The following AGBL1 variants were observed in gnomAD, a reference collection of about 807,000 sequenced individuals.
AGBL1 encodes the protein cytosolic carboxypeptidase 4.
A neutral mutation model predicts 118.9 loss-of-function variants in AGBL1; 130 were observed. The ratio of observed to expected loss-of-function variants is 1.09; its 90% CI spans 0.95 to 1.26. AGBL1 has a LOEUF of 1.26. Ranked by LOEUF, AGBL1 falls within the 50% of genes most tolerant of loss-of-function variation. AGBL1 has a pLI of 0.00. For synonymous variants in AGBL1, 555 were observed against 478.9 expected, an observed-to-expected ratio of 1.16 and a Z score of -2.08; for missense variants, 1,584 against 1,298.1, an observed-to-expected ratio of 1.22 and a Z score of -3.38.
At chr15:86,972,011 C>T (rs2081113641) in intron 23 of AGBL1, among the ~76,000 whole-genome samples, 4 of 151,962 alleles carry the variant, frequency 2.6e-5, no homozygotes, top group Admixed American at 2.6e-4. Context: ...TTCTAAGTTC[C>T]CTGAGGCTTC....
chr15:86,976,132 C>T (rs2081174412), intron 23 of AGBL1, among the ~76,000 whole-genome samples: 2 of 150,856 alleles, frequency 1.3e-5, no homozygotes, highest in South Asian at 4.2e-4. Context: ...ATCACATAGG[C>T]TAAATCATTT....
intron 22 of AGBL1, among the ~76,000 whole-genome samples, chr15:86,764,340 A>G (rs1280133045): frequency 6.6e-6 from 1 of 152,038 alleles, no homozygotes; most frequent in Middle Eastern, 3.2e-3. Context: ...TTTAAAAACA[A>G]TGACAGTATA....
At chr15:86,546,488 C>T (rs1318105283) in intron 20 of AGBL1, among the ~76,000 whole-genome samples, 1 of 152,088 alleles carries the variant, frequency 6.6e-6, no homozygotes, top group Non-Finnish European at 1.5e-5. Flanking sequence ...CCTCTCTGAA[C>T]CACCCTTCTG....
intron 17 of AGBL1, among the ~76,000 whole-genome samples, chr15:86,341,358 C>G (rs1055617456): frequency 8.2e-5 from 12 of 147,006 alleles, no homozygotes; most frequent in African/African-American, 3.0e-4. Context: ...TTGTTCAGCT[C>G]CAAGTTTAGG....
rs1249391723 is a variant in AGBL1 at position 86,913,728 on chromosome 15, C to A, written c.*6434C>A. The A allele has an allele frequency of 6.6e-6, 1 of 152,112 alleles. No individual in the cohort carries two copies. 9.4% of individuals were successfully genotyped at this position (152,112 alleles called of 1,614,324 possible). ...AAAATAAAGAAAAAAAATAGCCAGG[C>A]GTGATGGTGCATGCCTGTAGTCCCA... On this transcript the variant is annotated 3_prime_UTR_variant, in exon 23 of 23. Coordinates refer to ENST00000614907, the MANE Select transcript of AGBL1 (RefSeq NM_001386094.1).
rs566561495 is a variant in AGBL1 at position 86,353,510 on chromosome 15, C to A, written c.2375-43856C>A. 3.3e-5 allele frequency among the ~76,000 whole-genome samples: 5 copies of A among 152,222 alleles called. No homozygotes were observed. In the South Asian group the frequency reaches 1.0e-3, roughly 32 times the overall value. ...CCATCATGATTCCAAAGTGGAAGGTCCTGCCTTTCCAGGAGAATGAAATAC... is the reference window on the plus strand; with the variant it reads ...CCATCATGATTCCAAAGTGGAAGGTACTGCCTTTCCAGGAGAATGAAATAC... On this transcript the variant is annotated intron_variant, in intron 17 of 22. Coordinates refer to ENST00000614907, the MANE Select transcript of AGBL1 (RefSeq NM_001386094.1).
intron 1 of AGBL1, among the ~76,000 whole-genome samples, chr15:86,123,911 C>G (rs938003902): frequency 6.6e-6 from 1 of 152,176 alleles, no homozygotes; most frequent in Non-Finnish European, 1.5e-5. Context: ...GAAACCGCCA[C>G]AGACCAGAGG....
rs368373411 is a variant in AGBL1, at chr15:86,680,519, C to A, written c.3158+6083C>A. On this transcript the variant is annotated intron_variant, in intron 22 of 22. Transcript: ENST00000614907. ...CCTAATTTTTCTTTCTTTGTATGCACCCTGTTTTTTCTTTTTCTTTTCTTT... is the reference window on the plus strand; with the variant it reads ...CCTAATTTTTCTTTCTTTGTATGCAACCTGTTTTTTCTTTTTCTTTTCTTT... Among the ~76,000 whole-genome samples, 109 of 150,772 alleles carry A rather than the reference C, an allele frequency of 7.2e-4. No individual in the cohort carries two copies. In the Middle Eastern group the frequency reaches 0.024, roughly 33 times the overall value.
chr15:86,422,621 A>T lies in AGBL1; in HGVS notation c.2555+25075A>T, dbSNP rs1349685026. Among the ~76,000 whole-genome samples the T allele has an allele frequency of 2.0e-5, 3 of 152,186 alleles. No homozygotes were observed. The East Asian group carries it at 5.8e-4, about 29-fold the overall frequency. The stretch of plus-strand genomic sequence containing the variant: ...CAGAACGGAAGGAGATAGAGACATG[A>T]AAAACCCTTCAAAAAAATCAATGAA... On this transcript the variant is annotated intron_variant, in intron 18 of 22. Coordinates refer to ENST00000614907, the MANE Select transcript of AGBL1 (RefSeq NM_001386094.1).
chr15:86,347,641 T>G (rs1032939286), intron 17 of AGBL1, among the ~76,000 whole-genome samples: 1 of 152,254 alleles, frequency 6.6e-6, no homozygotes, highest in Non-Finnish European at 1.5e-5. Context: ...GCATGTATAT[T>G]TTCTATAAAA....
intron 23 of AGBL1, among the ~76,000 whole-genome samples, chr15:86,967,898 T>G (rs192956824): frequency 1.3e-5 from 2 of 152,256 alleles, no homozygotes; most frequent in East Asian, 3.9e-4. Context: ...TGGCATTGAA[T>G]GTATAAATTA....
At chr15:86,350,948 G>C (rs1273041758) in intron 17 of AGBL1, among the ~76,000 whole-genome samples, 1 of 152,138 alleles carries the variant, frequency 6.6e-6, no homozygotes, top group Non-Finnish European at 1.5e-5. Flanking sequence ...AAAAATAAGG[G>C]CATTTAAGTG....
In AGBL1 at chr15:86,590,399, C is replaced by T. The variant is rs540387627; in HGVS notation, c.2994+35862C>T. On this transcript the variant is annotated intron_variant, in intron 21 of 22. Coordinates refer to ENST00000614907, the MANE Select transcript of AGBL1 (RefSeq NM_001386094.1). Reference sequence around the variant, plus strand: ...TGATGGTTTTATATGGGGGCTTTTCCCCACTTCACTCTTGTTCTTCTCTGT... The same window carrying T: ...TGATGGTTTTATATGGGGGCTTTTCTCCACTTCACTCTTGTTCTTCTCTGT... Among the ~76,000 whole-genome samples, 3 of 152,196 alleles carry T rather than the reference C, an allele frequency of 2.0e-5. No individual in the cohort carries two copies. The South Asian group carries it at 6.2e-4, about 32-fold the overall frequency.
intron 22 of AGBL1, among the ~76,000 whole-genome samples, chr15:86,822,373 C>A (rs2078953678): frequency 6.6e-6 from 1 of 152,146 alleles, no homozygotes; most frequent in South Asian, 2.1e-4. Context: ...TAGTATAGCA[C>A]CAGCATTTGC....
At chr15:86,238,564 C>T (rs1161391707) in intron 6 of AGBL1, among the ~76,000 whole-genome samples, 2 of 152,192 alleles carry the variant, frequency 1.3e-5, no homozygotes, top group African/African-American at 4.8e-5. Flanking sequence ...TTTCTCAAAT[C>T]TAAGTCTATC....
At chr15:86,734,883 T>G (rs1382658930) in intron 22 of AGBL1, among the ~76,000 whole-genome samples, 1 of 152,120 alleles carries the variant, frequency 6.6e-6, no homozygotes, top group African/African-American at 2.4e-5. Flanking sequence ...GGGAATATGT[T>G]GTAGAATTGT....
intron 21 of AGBL1, among the ~76,000 whole-genome samples, chr15:86,605,003 C>T (rs1279785542): frequency 6.6e-6 from 1 of 152,078 alleles, no homozygotes; most frequent in East Asian, 1.9e-4. Context: ...CCATGTTGGT[C>T]AGGCTGGTCT....
chr15:86,972,300 A>G (rs1337040780), intron 23 of AGBL1, among the ~76,000 whole-genome samples: 1 of 151,998 alleles, frequency 6.6e-6, no homozygotes, highest in Admixed American at 6.6e-5. Context: ...AACATTTGGC[A>G]TTCCTGAAAT....
In AGBL1 at chr15:86,256,895, G is replaced by T; in HGVS notation, c.778G>T (p.Val260Leu). 6.2e-7 allele frequency: 1 copy of T among 1,613,918 alleles called. No homozygotes were observed. The highest frequency in any genetic ancestry group is 8.5e-7 in the Non-Finnish European group (1 of 1,179,878). The change falls in exon 8 of 23, where the codon GTG becomes TTG. Residue 260 changes from valine to leucine, a missense_variant. Coordinates refer to ENST00000614907, the MANE Select transcript of AGBL1 (RefSeq NM_001386094.1). The stretch of plus-strand genomic sequence containing the variant: ...GAGCATGGAGCCCGTCATCTCTGTG[G>T]TGCTTCAGATCCTGAGGCAGTGCTA... ...DKSMEPVISV[V>L]LQILRQCYPT...
Sources: allele counts gnomAD v4.1 joint callset (sites outside exome capture counted in the v4.1 genomes callset), GRCh38; gene constraint gnomAD v4.1.1; transcripts MANE v1.5; gene names NCBI Gene and HGNC (gene_info 2026-07-23, HGNC 2026-07-21).